Variants in SASH1 observed in about 807,000 individuals in gnomAD.
SASH1 encodes the protein SAM and SH3 domain containing 1, also known as SAM and SH3 domain-containing protein 1.
Under a neutral mutation model 125.2 loss-of-function variants are expected in SASH1, and 44 were observed. That is an observed-to-expected ratio of 0.35 (90% CI 0.28 to 0.45). The LOEUF (loss-of-function observed/expected upper bound fraction) is 0.45. SASH1 is among the 20% of genes least tolerant of loss of function. SASH1 has a pLI of 1.00. For synonymous variants in SASH1, 639 were observed against 649.1 expected (o/e 0.98, Z 0.24); for missense variants, 1,426 against 1,614.5 (o/e 0.88, Z 2.00).
chr6:148,361,586 G>T (rs1583022444), intron 1 of SASH1, among the ~76,000 whole-genome samples: 1 of 136,410 alleles, frequency 7.3e-6, no homozygotes, highest in Admixed American at 7.9e-5. Context: ...GGCAACAAGA[G>T]TGAAACTCTG....
intron 4 of SASH1, among the ~76,000 whole-genome samples, chr6:148,460,185 C>A (rs775463454): frequency 2.0e-5 from 3 of 152,210 alleles, no homozygotes; most frequent in Non-Finnish European, 2.9e-5. Flanking sequence ...ATAGAACTAA[C>A]CCTGCATGTC....
At chr6:148,234,149 C>T in the SASH1 span, among the ~76,000 whole-genome samples, 1,223 of 151,912 alleles carry the variant, frequency 8.1e-3, 17 homozygotes, top group African/African-American at 0.028. Flanking sequence ...GGAATCCTCT[C>T]ACCTCAGCCT....
rs10710533 is a variant in SASH1, at chr6:148,514,458, TAAAAA to T, written c.862+26_862+30del. 32,201 of 566,262 alleles carry T rather than the reference TAAAAA, an allele frequency of 0.057. 62 individuals carry two copies. Among genetic ancestry groups the T allele is most frequent in the East Asian group, 0.087 (750 of 8,666 alleles). The allele number at this position is 566,262 out of a possible 1,614,324, so 35.1% of individuals were successfully genotyped here. On this transcript the variant is annotated splice_donor_5th_base_variant and intron_variant, in intron 9 of 19. Transcript: ENST00000367467. Reference sequence around the variant, plus strand: ...AAATGAAAAAACCCAGCACTGAAGGTAAAAAAAAAAAAAAAAAAAAAAAAAAAAGG... The same window carrying T: ...AAATGAAAAAACCCAGCACTGAAGGTAAAAAAAAAAAAAAAAAAAAAAAGG...
chr6:148,343,177 C>A lies in SASH1; in HGVS notation c.110C>A (p.Thr37Lys), dbSNP rs374910914. ...PEPEPKPGAGTSEAFSRLWTD... is the reference protein window; with the variant it reads ...PEPEPKPGAGKSEAFSRLWTD... ...CCGGAGCCCAAGCCGGGTGCTGGCA[C>A]ATCCGAGGCGTTCTCCCGACTCTGG... Residue 37 changes from threonine (T) to lysine (K), a missense_variant, in exon 1 of 20, where the codon ACA (threonine) becomes AAA (lysine). By Grantham distance (78) the Thr-to-Lys change is moderately conservative (BLOSUM62 -1). Around this residue, in one of 3 missense-constraint regions of SASH1, gnomAD observed 567 missense variants for 575.6 expected, o/e 0.99. Transcript: ENST00000367467. 3 of 1,600,430 alleles carry A rather than the reference C, an allele frequency of 1.9e-6. No homozygotes were observed. Among genetic ancestry groups the A allele is most frequent in the Admixed American group, 1.7e-5 (1 of 59,926 alleles).
At chr6:148,252,084 T>C in the SASH1 span, among the ~76,000 whole-genome samples, 1 of 152,048 alleles carries the variant, frequency 6.6e-6, no homozygotes. Flanking sequence ...AATGCACCCA[T>C]ATGAAGTAAA....
chr6:148,404,447 C>T (rs761046171), intron 2 of SASH1, among the ~76,000 whole-genome samples: 3 of 152,004 alleles, frequency 2.0e-5, no homozygotes, highest in Non-Finnish European at 2.9e-5. Flanking sequence ...CAAATATAAA[C>T]GTCCAGGATC....
intron 1 of SASH1, among the ~76,000 whole-genome samples, chr6:148,375,779 T>C (rs1318591508): frequency 6.6e-6 from 1 of 152,230 alleles, no homozygotes; most frequent in East Asian, 1.9e-4. Context: ...TGACATTCTC[T>C]AAATCGGATT....
At chr6:148,291,607 C>T (rs1267391417) in intron 1 of SASH1, among the ~76,000 whole-genome samples, 1 of 152,010 alleles carries the variant, frequency 6.6e-6, no homozygotes, top group Non-Finnish European at 1.5e-5. Flanking sequence ...TCGCTTGAGC[C>T]TAGGAGGTCA....
chr6:148,307,024 T>TTTTCTTTCTTTCTTTCTTTC (rs55686327), intron 1 of SASH1, among the ~76,000 whole-genome samples: 3 of 120,688 alleles, frequency 2.5e-5, no homozygotes, highest in Non-Finnish European at 5.2e-5. Context: ...TTTCTCTTTC[T>TTTTCTTTCTTTCTTTCTTTC]TTTCTTTCTT....
rs1366304393 is a variant in SASH1, at chr6:148,370,597, GCA to G, written c.157-19536_157-19535del. Among the ~76,000 whole-genome samples the G allele has an allele frequency of 7.9e-5, 12 of 152,224 alleles. No homozygotes were observed. The South Asian group carries it at 2.3e-3, about 29-fold the overall frequency. ...CCAGCACTTTGGGAAGCCAAGGTGG[GCA>G]GATCACGAGGTCAGGAGATCGAGAC... On this transcript the variant is annotated intron_variant, in intron 1 of 19. Transcript: ENST00000367467.
chr6:148,256,480 T>C, the SASH1 span, among the ~76,000 whole-genome samples: 4 of 152,228 alleles, frequency 2.6e-5, no homozygotes, highest in African/African-American at 9.6e-5. Context: ...CCTTAAATGG[T>C]AGACTTTGAT....
intron 5 of SASH1, among the ~76,000 whole-genome samples, chr6:148,469,775 C>T (rs1292840517): frequency 6.6e-6 from 1 of 151,918 alleles, no homozygotes; most frequent in Non-Finnish European, 1.5e-5. Context: ...CATCTGTAAT[C>T]CCAGCACTTT....
intron 7 of SASH1, among the ~76,000 whole-genome samples, chr6:148,487,209 T>A (rs1193641552): frequency 6.6e-6 from 1 of 150,820 alleles, no homozygotes; most frequent in Non-Finnish European, 1.5e-5. Context: ...AGGGCATGCA[T>A]GTTTTTGACT....
intron 2 of SASH1, among the ~76,000 whole-genome samples, chr6:148,431,195 A>G (rs1011936901): frequency 5.9e-5 from 9 of 151,922 alleles, no homozygotes; most frequent in Non-Finnish European, 1.0e-4. Flanking sequence ...AAGACTCCTA[A>G]GACAATAGAT....
intron 2 of SASH1, among the ~76,000 whole-genome samples, chr6:148,430,375 A>G (rs761127142): frequency 1.5e-4 from 23 of 152,246 alleles, no homozygotes; most frequent in Non-Finnish European, 2.9e-4. Context: ...TCTGTCACCC[A>G]GGCTGGAGTG....
chr6:148,519,746 C>T lies in SASH1; in HGVS notation c.1062C>T (p.Phe354=). The T allele has an allele frequency of 1.9e-6, 3 of 1,614,140 alleles. No homozygotes were observed. The highest frequency in any genetic ancestry group is 1.7e-6 in the Non-Finnish European group (2 of 1,180,040). Residue 354 remains phenylalanine, a synonymous_variant, in exon 10 of 20, where the codon TTC becomes TTT. Transcript: ENST00000367467. This position sits in a 1 kb window ranked among gnomAD's most constrained non-coding sequence, Gnocchi z 4.8. ...WGAGRKLVKT[F]SKGESRGLIK... Reference sequence around the variant, plus strand: ...CTGGCCGGAAGTTGGTCAAAACCTTCAGCAAAGGAGAGAGCCGGGGCCTGA... The same window carrying T: ...CTGGCCGGAAGTTGGTCAAAACCTTTAGCAAAGGAGAGAGCCGGGGCCTGA...
chr6:148,302,820 G>GTATATATATATATATA (rs71031062), intron 1 of SASH1, among the ~76,000 whole-genome samples: 1 of 143,900 alleles, frequency 6.9e-6, no homozygotes, highest in Non-Finnish European at 1.5e-5. Flanking sequence ...GACCTCAGGA[G>GTATATATATATATATA]TATATATATA....
rs1782467288 is a variant in SASH1, at chr6:148,544,917, C to T, written c.3348+99C>T. The T allele has an allele frequency of 1.3e-5, 16 of 1,217,032 alleles. No homozygotes were observed. Among genetic ancestry groups the T allele is most frequent in the Non-Finnish European group, 1.6e-5 (14 of 889,964 alleles). 75.4% of individuals were successfully genotyped at this position (1,217,032 alleles called of 1,614,324 possible). A position where few individuals can be genotyped will look rare whatever the true frequency, so the allele number is the denominator to read the frequency against. The stretch of plus-strand genomic sequence containing the variant: ...CCACATCTGAAGCCAGCCCGGTAGC[C>T]CGCCCAGTGGACAGGAGACACCTGA... On this transcript the variant is annotated intron_variant, in intron 18 of 19. Transcript: ENST00000367467. This position sits in a 1 kb window ranked among gnomAD's most constrained non-coding sequence, Gnocchi z 6.4.
chr6:148,468,837 T>A (rs992108205), intron 5 of SASH1: 1 of 352,192 alleles, frequency 2.8e-6, no homozygotes, highest in Non-Finnish European at 5.1e-6. Context: ...CTGAATATTC[T>A]CTACGTTAAT....
Sources: allele counts gnomAD v4.1 joint callset (sites outside exome capture counted in the v4.1 genomes callset), GRCh38; gene constraint gnomAD v4.1.1; regional missense constraint gnomAD v4.1.1; non-coding constraint Gnocchi (gnomAD v3.1); transcripts MANE v1.5; gene names NCBI Gene and HGNC (gene_info 2026-07-23, HGNC 2026-07-21).